Variants in PBXIP1 observed in about 807,000 individuals in gnomAD.
PBXIP1 encodes PBX homeobox interacting protein 1, also known as pre-B-cell leukemia transcription factor-interacting protein 1.
Under a neutral mutation model 73.7 loss-of-function variants are expected in PBXIP1, and 73 were observed. The observed-to-expected ratio is 0.99, with a 90% CI of 0.82 to 1.20. The LOEUF (loss-of-function observed/expected upper bound fraction) is 1.20, where lower values mean the gene tolerates loss of function less well. Ranked by LOEUF, PBXIP1 falls within the 50% of genes most tolerant of loss-of-function variation. The pLI, the probability that PBXIP1 is intolerant of heterozygous loss-of-function variation, is 0.00. For synonymous variants in PBXIP1, 330 were observed against 366.9 expected, an observed-to-expected ratio of 0.90 and a Z score of 1.15; for missense variants, 818 against 911.4, an observed-to-expected ratio of 0.90 and a Z score of 1.32.
intron 10 of PBXIP1, 40 bp downstream of exon 10, chr1:154,945,532 C>A: frequency 6.3e-7 from 1 of 1,583,802 alleles, no homozygotes; most frequent in Non-Finnish European, 8.6e-7. Context: ...CTCCCGACTG[C>A]CTCTGTCCCA....
At position 154,946,187 on chromosome 1, in the gene PBXIP1, T is replaced by C. The variant is rs1420618665; in HGVS notation, c.1487A>G (p.Glu496Gly). 6.2e-7 allele frequency: 1 copy of C among 1,614,098 alleles called. No individual in the cohort carries two copies. The highest frequency in any genetic ancestry group is 8.5e-7 in the Non-Finnish European group (1 of 1,179,998). ...KAEHWKHKKE[E>G]SGRERKKNWG... The stretch of plus-strand genomic sequence containing the variant: ...GTTCTTCTTCCTTTCCCGGCCAGAT[T>C]CTTCCTTCTTATGTTTCCAGTGCTC... Residue 496 changes from glutamate to glycine, a missense_variant, in exon 10 of 11, where the codon GAA becomes GGA. By Grantham distance (98) the Glu-to-Gly change is moderately conservative. Coordinates refer to ENST00000368463, the MANE Select transcript of PBXIP1 (RefSeq NM_020524.4).
intron 10 of PBXIP1, 93 bp downstream of exon 10, chr1:154,945,479 A>T: frequency 7.3e-7 from 1 of 1,369,788 alleles, no homozygotes; most frequent in Non-Finnish European, 1.0e-6. Flanking sequence ...GCTGGGGACC[A>T]AAAGTAAGGA....
rs375178576 is a variant in PBXIP1 at position 154,945,919 on chromosome 1, G to A, written c.1755C>T (p.Pro585=). The change falls in exon 10 of 11, where the codon CCC becomes CCT. Residue 585 remains proline (P), a synonymous_variant. Coordinates refer to ENST00000368463, the MANE Select transcript of PBXIP1 (RefSeq NM_020524.4). ...ACTCGTCCACACCTGAGCAGCCCTG[G>A]GGTGCCCGGTACTTGGGCCTCAACA... is the stretch of plus-strand genomic sequence containing the variant. ...AELLRPKYRA[P]QGCSGVDECA... 2 of 1,614,074 alleles carry A rather than the reference G, an allele frequency of 1.2e-6. No individual in the cohort carries two copies. The highest frequency in any genetic ancestry group is 2.7e-5 in the African/African-American group (2 of 74,936).
Position 154,951,018 on chromosome 1 carries a change from A to G in PBXIP1, c.409+214T>C, listed in dbSNP as rs937340055. ...CATGGCAGAGAGGAAAGAGTCAACC[A>G]GATGTGGGCCCTGCCCCTTACCAGC... On this transcript the variant is annotated intron_variant, in intron 5 of 10. Transcript: ENST00000368463. This position sits in a 1 kb window ranked among gnomAD's most constrained non-coding sequence, Gnocchi z 4.3. Among the ~76,000 whole-genome samples, 19 of 152,360 alleles carry G rather than the reference A, an allele frequency of 1.2e-4. No individual in the cohort carries two copies. Among genetic ancestry groups the G allele is most frequent in the African/African-American group, 4.6e-4 (19 of 41,580 alleles).
At position 154,953,713 on chromosome 1, in the gene PBXIP1, G is replaced by A; in HGVS notation, c.9C>T (p.Ser3=). MA[S]CPDSDNSWVL... Reference sequence around the variant, plus strand: ...CCCAGCTATTATCAGAGTCTGGGCAGGAGGCCATAGTTGCTGAGGTCCCTG... The same window carrying A: ...CCCAGCTATTATCAGAGTCTGGGCAAGAGGCCATAGTTGCTGAGGTCCCTG... Residue 3 remains serine (S), a synonymous_variant, in exon 2 of 11, where the codon TCC becomes TCT. Transcript: ENST00000368463. 6.2e-7 allele frequency: 1 copy of A among 1,613,678 alleles called. No individual in the cohort carries two copies. Among genetic ancestry groups the A allele is most frequent in the Non-Finnish European group, 8.5e-7 (1 of 1,179,772 alleles).
chr1:154,952,072 AGG>A, intron 2 of PBXIP1, 151 bp from the exon 3 acceptor site: 3 of 786,532 alleles, frequency 3.8e-6, no homozygotes, highest in Admixed American at 6.4e-5. Context: ...ACTCACTGCG[AGG>A]AGGAACTTTC....
In PBXIP1 at chr1:154,948,368, T is replaced by G; in HGVS notation, c.410-2A>C. On this transcript the variant is annotated splice_acceptor_variant, in intron 5 of 10. Transcript: ENST00000368463. LOFTEE classifies it high-confidence loss of function. Reference sequence around the variant, plus strand: ...AGCGGCCCTCCTCCCTGATCCAAGCTAGGGGAAAGGACAGGGACAGGGCAG... The same window carrying G: ...AGCGGCCCTCCTCCCTGATCCAAGCGAGGGGAAAGGACAGGGACAGGGCAG... The G allele has an allele frequency of 6.3e-7, 1 of 1,578,980 alleles. No individual in the cohort carries two copies. Among genetic ancestry groups the G allele is most frequent in the East Asian group, 2.3e-5 (1 of 43,948 alleles).
intron 2 of PBXIP1, among the ~76,000 whole-genome samples, chr1:154,953,300 C>T (rs77716763): frequency 0.02 from 3,084 of 152,258 alleles, 91 homozygotes; most frequent in African/African-American, 0.07. Flanking sequence ...CTGTCCCCAA[C>T]CTCACTCCAA....
chr1:154,945,031 C>G lies in PBXIP1; in HGVS notation c.2189G>C (p.Arg730Pro). Residue 730 changes from arginine (R) to proline (P), a missense_variant, in exon 11 of 11, where the codon CGG (arginine) becomes CCG (proline). Physicochemically the swap from Arg to Pro is moderately radical, Grantham distance 103. Transcript: ENST00000368463. ...TCCCTGTGGGGCAGGGTGTCAGCCC[C>G]GGTGGTGGTGGTGGTGGCTATGGCT... ...GHSHSHHHHH[R>P]G 6.2e-7 allele frequency: 1 copy of G among 1,612,970 alleles called. No individual in the cohort carries two copies. Among genetic ancestry groups the G allele is most frequent in the East Asian group, 2.2e-5 (1 of 44,872 alleles).
At chr1:154,954,415 T>C (rs1407251654) in intron 1 of PBXIP1, among the ~76,000 whole-genome samples, 6 of 152,214 alleles carry the variant, frequency 3.9e-5, no homozygotes, top group Admixed American at 6.5e-5. Flanking sequence ...ATGATTCTCA[T>C]GCGCAGCCAG....
chr1:154,948,299 C>T lies in PBXIP1; in HGVS notation c.477G>A (p.Leu159=), dbSNP rs758303148. 1.9e-6 allele frequency: 3 copies of T among 1,611,284 alleles called. No homozygotes were observed. ...DDDTDVDMEG[L]RRRRGREAGP... ...CGGCCTCCCGGCCCCGCCGTCTCCG[C>T]AGACCCTCCATGTCCACGTCGGTGT... Residue 159 remains leucine, a synonymous_variant, in exon 6 of 11, where the codon CTG becomes CTA. Transcript: ENST00000368463.
chr1:154,945,104 C>T lies in PBXIP1; in HGVS notation c.2116G>A (p.Asp706Asn), dbSNP rs756463002. ...KALKKRSGKK[D>N]KHSQSPRAAG... ...GCTCTTGGGCTCTGTGAGTGCTTGT[C>T]CTTCTTCCCTGACCTGTGGGGAGGA... The change falls in exon 11 of 11, where the codon GAC becomes AAC. Residue 706 changes from aspartate (D) to asparagine (N), a missense_variant. By Grantham distance (23) the Asp-to-Asn change is conservative. Transcript: ENST00000368463. 1.9e-6 allele frequency: 3 copies of T among 1,613,864 alleles called. No homozygotes were observed. The highest frequency in any genetic ancestry group is 2.2e-5 in the South Asian group (2 of 91,078).
intron 2 of PBXIP1, 145 bp downstream of exon 2, chr1:154,953,526 G>C (rs944758290): frequency 8.1e-6 from 5 of 614,850 alleles, no homozygotes; most frequent in Non-Finnish European, 1.5e-5. Flanking sequence ...ACTTCTTCCT[G>C]CTACTGGAAT....
At chr1:154,953,585 G>GA (rs1485809400) in intron 2 of PBXIP1, 86 bp downstream of exon 2, 27 of 843,074 alleles carry the variant, frequency 3.2e-5, no homozygotes, top group Non-Finnish European at 4.3e-5. Flanking sequence ...CAGGACTAAG[G>GA]AAAAGGACCC....
chr1:154,951,635 C>T lies in PBXIP1; in HGVS notation c.179-100G>A. On this transcript the variant is annotated intron_variant, in intron 3 of 10. Transcript: ENST00000368463. The surrounding 1 kb of genome is among the most constrained non-coding windows in gnomAD (Gnocchi z 4.3). ...CGGGCCCCTACCAGGTTGGAAGAGG[C>T]AGGAAAAAGCCAGGATGGAATGAGA... The T allele has an allele frequency of 7.0e-7, 1 of 1,435,686 alleles. No individual in the cohort carries two copies. Among genetic ancestry groups the T allele is most frequent in the Non-Finnish European group, 9.8e-7 (1 of 1,024,780 alleles). The allele number at this position is 1,435,686 out of a possible 1,614,324, so 88.9% of individuals were successfully genotyped here.
rs1378567290 is a variant in PBXIP1 at position 154,948,355 on chromosome 1, C to T, written c.421G>A (p.Glu141Lys). 2.5e-6 allele frequency: 4 copies of T among 1,594,916 alleles called. No homozygotes were observed. Among genetic ancestry groups the T allele is most frequent in the Non-Finnish European group, 2.6e-6 (3 of 1,170,442 alleles). ...TCACTGCTGGAGCAGCGGCCCTCCT[C>T]CCTGATCCAAGCTAGGGGAAAGGAC... ...PSTPKAAWIR[E>K]EGRCSSSDDD... Residue 141 changes from glutamate (E) to lysine (K), a missense_variant, in exon 6 of 11, where the codon GAG becomes AAG. By Grantham distance (56) the Glu-to-Lys change is moderately conservative. Coordinates refer to ENST00000368463, the MANE Select transcript of PBXIP1 (RefSeq NM_020524.4).
rs781365804 is a variant in PBXIP1 at position 154,951,449 on chromosome 1, T to C, written c.243+22A>G. Reference sequence around the variant, plus strand: ...TGCTAGCCCTCCCCGCCTCCCTTCCTTCCCACAGCAAATCTCCTCACCTTG... The same window carrying C: ...TGCTAGCCCTCCCCGCCTCCCTTCCCTCCCACAGCAAATCTCCTCACCTTG... On this transcript the variant is annotated intron_variant, in intron 4 of 10. Coordinates refer to ENST00000368463, the MANE Select transcript of PBXIP1 (RefSeq NM_020524.4). This position sits in a 1 kb window ranked among gnomAD's most constrained non-coding sequence, Gnocchi z 4.3. 6.2e-7 allele frequency: 1 copy of C among 1,613,994 alleles called. No homozygotes were observed. The highest frequency in any genetic ancestry group is 1.7e-5 in the Admixed American group (1 of 60,024).
chr1:154,947,669 C>T lies in PBXIP1; in HGVS notation c.711G>A (p.Glu237=), dbSNP rs1654874129. ...GCCTGTCCCCCACAGCTTCCAGCAC[C>T]TCGGGGTCTGGGAGGACCTGCCGCT... is the stretch of plus-strand genomic sequence containing the variant. ...EVERQVLPDP[E]VLEAVGDRQD... The change falls in exon 8 of 11, where the codon GAG becomes GAA. Residue 237 remains glutamate (E), a synonymous_variant. Coordinates refer to ENST00000368463, the MANE Select transcript of PBXIP1 (RefSeq NM_020524.4). The T allele has an allele frequency of 4.3e-6, 7 of 1,613,912 alleles. No homozygotes were observed. The highest frequency in any genetic ancestry group is 5.9e-6 in the Non-Finnish European group (7 of 1,179,988).
At position 154,953,659 on chromosome 1, in the gene PBXIP1, C is replaced by G; in HGVS notation, c.51+12G>C. The G allele has an allele frequency of 6.2e-7, 1 of 1,602,814 alleles. No homozygotes were observed. Among genetic ancestry groups the G allele is most frequent in the Non-Finnish European group, 8.5e-7 (1 of 1,170,166 alleles). On this transcript the variant is annotated intron_variant, in intron 2 of 10. Transcript: ENST00000368463. ...ACCCCACCCCCATGGTTCCCAGGCC[C>G]GCTCTTCCTACCTCGGAGCCAGCAA...
Sources: gnomAD v4.1 joint callset for allele counts (sites outside exome capture counted in the v4.1 genomes callset) on GRCh38, gnomAD v4.1.1 for gene constraint, Gnocchi (gnomAD v3.1) non-coding constraint, MANE v1.5 for transcripts, NCBI Gene and HGNC (gene_info 2026-07-23, HGNC 2026-07-21) for gene names.